Variants in ADAMTS17 observed in about 807,000 individuals in gnomAD.
ADAMTS17 encodes ADAM metallopeptidase with thrombospondin type 1 motif 17, also known as A disintegrin and metalloproteinase with thrombospondin motifs 17.
ADAMTS17 carries 113 observed loss-of-function variants against 141.5 expected under a neutral mutation model. The observed-to-expected ratio is 0.80, with a 90% CI of 0.69 to 0.93. The LOEUF (loss-of-function observed/expected upper bound fraction) is 0.93. Ranked by LOEUF, ADAMTS17 falls within the 40% of genes least tolerant of loss-of-function variation. The pLI is 0.00. For missense variants in ADAMTS17, 1,659 were observed against 1,517.9 expected (o/e 1.09, Z -1.54); for synonymous variants, 768 against 630.6 (o/e 1.22, Z -3.27).
chr15:100,292,165 G>GGGAGTCACGAGAGACGCTCACCCCTTAA lies in ADAMTS17; in HGVS notation c.617-10765_617-10764insTTAAGGGGTGAGCGTCTCTCGTGACTCC, dbSNP rs1567496984. ...AGTCACGAGACACGCTCACCCCGTG[G>GGGAGTCACGAGAGACGCTCACCCCTTAA]GAAACTACGAGACACGCTCACCCCG... On this transcript the variant is annotated intron_variant, in intron 3 of 21. Coordinates refer to ENST00000268070, the MANE Select transcript of ADAMTS17 (RefSeq NM_139057.4). Among the ~76,000 whole-genome samples, 3 of 124,356 alleles carry GGGAGTCACGAGAGACGCTCACCCCTTAA rather than the reference G, an allele frequency of 2.4e-5. No homozygotes were observed. The East Asian group carries it at 8.4e-4, about 35-fold the overall frequency. 81.6% of individuals were successfully genotyped at this position (124,356 alleles called of 152,430 possible). A position where few individuals can be genotyped will look rare whatever the true frequency, so the allele number is the denominator to read the frequency against.
intron 3 of ADAMTS17, among the ~76,000 whole-genome samples, chr15:100,294,949 A>G (rs184096570): frequency 3.0e-3 from 455 of 152,318 alleles, no homozygotes; most frequent in African/African-American, 0.01. Context: ...AGAGAGACCA[A>G]TGGCCGCAAC....
Position 100,156,974 on chromosome 15 carries a change from C to A in ADAMTS17, c.1182-1654G>T, listed in dbSNP as rs369801755. ...CAATTTTTAAAGGAAAGAGGTTTAA[C>A]TGACTCACAGTTCTGCCAGGGAGAC... On this transcript the variant is annotated intron_variant, in intron 8 of 21. Coordinates refer to ENST00000268070, the MANE Select transcript of ADAMTS17 (RefSeq NM_139057.4). 3.3e-5 allele frequency among the ~76,000 whole-genome samples: 5 copies of A among 152,216 alleles called. No individual in the cohort carries two copies. In the South Asian group the frequency reaches 6.2e-4, roughly 19 times the overall value.
chr15:100,007,094 A>G (rs545527327), intron 18 of ADAMTS17, among the ~76,000 whole-genome samples: 1 of 152,334 alleles, frequency 6.6e-6, no homozygotes, highest in East Asian at 1.9e-4. Context: ...GGTGGGAGAA[A>G]CATAAAAACA....
chr15:100,025,302 C>G (rs2573584), intron 18 of ADAMTS17, among the ~76,000 whole-genome samples: 17,095 of 151,878 alleles, frequency 0.11, 2,574 homozygotes, highest in African/African-American at 0.34. Context: ...CCTGGAATAC[C>G]TTTATTTTTA....
At chr15:100,150,105 T>G (rs1395281661) in intron 10 of ADAMTS17, among the ~76,000 whole-genome samples, 1 of 152,166 alleles carries the variant, frequency 6.6e-6, no homozygotes, top group Non-Finnish European at 1.5e-5. Context: ...AAAACATATT[T>G]TGCAGTTCCT....
At chr15:100,001,639 T>G (rs763293137) in intron 18 of ADAMTS17, among the ~76,000 whole-genome samples, 3 of 152,078 alleles carry the variant, frequency 2.0e-5, no homozygotes, top group African/African-American at 4.8e-5. Context: ...CTCTGTACCT[T>G]CCTCTCAATT....
At chr15:100,321,198 AATAG>A in intron 3 of ADAMTS17, among the ~76,000 whole-genome samples, 4 of 152,340 alleles carry the variant, frequency 2.6e-5, no homozygotes, top group Admixed American at 2.6e-4. Flanking sequence ...ACAAAATTTT[AATAG>A]ATTATCAAAT....
At chr15:100,182,587 G>A (rs564442235) in intron 8 of ADAMTS17, among the ~76,000 whole-genome samples, 2 of 152,292 alleles carry the variant, frequency 1.3e-5, no homozygotes, top group South Asian at 4.1e-4. Context: ...CTTTCCTACC[G>A]ACTTCAATGC....
chr15:100,303,214 T>C (rs894359090), intron 3 of ADAMTS17, among the ~76,000 whole-genome samples: 3 of 147,358 alleles, frequency 2.0e-5, no homozygotes, highest in Middle Eastern at 3.3e-3. Flanking sequence ...ATAATATATA[T>C]GTAACATATA....
At chr15:99,978,975 G>A (rs533153000) in intron 20 of ADAMTS17, 1 of 152,260 alleles carries the variant, frequency 6.6e-6, no homozygotes, top group South Asian at 2.1e-4. Context: ...GAGTAGTTGT[G>A]TCTCTGCACA....
At chr15:100,200,494 G>C (rs909998566) in intron 7 of ADAMTS17, among the ~76,000 whole-genome samples, 1 of 152,130 alleles carries the variant, frequency 6.6e-6, no homozygotes, top group African/African-American at 2.4e-5. Flanking sequence ...GCCCCGCAGG[G>C]ACCACAGGGC....
intron 7 of ADAMTS17, among the ~76,000 whole-genome samples, chr15:100,223,139 G>C (rs1348137617): frequency 6.6e-6 from 1 of 152,190 alleles, no homozygotes; most frequent in East Asian, 1.9e-4. Flanking sequence ...AGAGGCACCT[G>C]TCACTTAGCA....
chr15:100,132,884 C>A (rs542041031), intron 11 of ADAMTS17, among the ~76,000 whole-genome samples: 1 of 152,184 alleles, frequency 6.6e-6, no homozygotes. Flanking sequence ...ATTATTTTTA[C>A]GAGAGCCTAC....
intron 7 of ADAMTS17, among the ~76,000 whole-genome samples, chr15:100,236,748 G>A (rs2042668697): frequency 6.6e-6 from 1 of 152,122 alleles, no homozygotes; most frequent in African/African-American, 2.4e-5. Flanking sequence ...TGAAGTGGGA[G>A]GATTGCTTGA....
At chr15:100,025,362 T>C (rs1004829612) in intron 18 of ADAMTS17, among the ~76,000 whole-genome samples, 2 of 152,178 alleles carry the variant, frequency 1.3e-5, no homozygotes, top group African/African-American at 2.4e-5. Flanking sequence ...ATACAGCATA[T>C]AGTTGGGTCT....
intron 3 of ADAMTS17, among the ~76,000 whole-genome samples, chr15:100,302,313 G>C (rs2045068144): frequency 6.6e-6 from 1 of 152,134 alleles, no homozygotes; most frequent in Non-Finnish European, 1.5e-5. Flanking sequence ...TTCGCAAATT[G>C]ACAGTCATTT....
intron 3 of ADAMTS17, among the ~76,000 whole-genome samples, chr15:100,311,841 ATACT>A (rs2045416253): frequency 2.0e-5 from 3 of 151,634 alleles, no homozygotes; most frequent in African/African-American, 7.3e-5. Context: ...AAAAAAAAAA[ATACT>A]TAATATTGAC....
chr15:99,987,037 C>T (rs1238736815), intron 20 of ADAMTS17, among the ~76,000 whole-genome samples: 3 of 152,174 alleles, frequency 2.0e-5, no homozygotes, highest in Admixed American at 6.5e-5. Flanking sequence ...GAGAGAGGGG[C>T]TCCATCTTCC....
Position 100,281,236 on chromosome 15 carries a change from A to C in ADAMTS17, c.782T>G (p.Met261Arg). The part of the protein sequence containing the change: ...EAAQRFILTV[M>R]NMVYNMFQHQ... The stretch of plus-strand genomic sequence containing the variant: ...CCCCGGCTCCGGACTCACCATGTTC[A>C]TGACGGTCAGGATGAACCTCTGGGC... The change falls in exon 4 of 22, where the codon ATG becomes AGG. Residue 261 changes from methionine (M) to arginine (R), a missense_variant. Met to Arg is a moderately conservative substitution (Grantham distance 91). Coordinates refer to ENST00000268070, the MANE Select transcript of ADAMTS17 (RefSeq NM_139057.4). 1 of 1,605,156 alleles carries C rather than the reference A, an allele frequency of 6.2e-7. No individual in the cohort carries two copies. Among genetic ancestry groups the C allele is most frequent in the Non-Finnish European group, 8.5e-7 (1 of 1,179,964 alleles).
Sources: allele counts gnomAD v4.1 joint callset (sites outside exome capture counted in the v4.1 genomes callset), GRCh38; gene constraint gnomAD v4.1.1; transcripts MANE v1.5; gene names NCBI Gene and HGNC (gene_info 2026-07-23, HGNC 2026-07-21).